Variants in MCMDC2 observed in about 807,000 individuals in gnomAD.
MCMDC2 encodes the protein minichromosome maintenance domain-containing protein 2.
In MCMDC2, 54 loss-of-function variants were observed where a neutral mutation model predicts 75.8. The ratio of observed to expected loss-of-function variants is 0.71; its 90% CI spans 0.57 to 0.89. MCMDC2 has a LOEUF of 0.89. Among genes scored for constraint, MCMDC2 ranks in the 40% least tolerant of loss-of-function variants. The probability of loss-of-function intolerance (pLI) is 0.00; values close to 1 mark genes in which losing one functional copy is unlikely to be tolerated. For synonymous variants in MCMDC2, 249 were observed against 274.6 expected (o/e 0.91, Z 0.92); for missense variants, 656 against 780.4 (o/e 0.84, Z 1.90).
downstream of MCMDC2, chr8:66,922,410 T>C (rs1813585235): frequency 2.1e-6 from 1 of 477,334 alleles, no homozygotes; most frequent in Non-Finnish European, 4.2e-6. Context: ...CAAAGAATAT[T>C]CACCCTTAAT....
intron 14 of MCMDC2, among the ~76,000 whole-genome samples, chr8:66,917,090 A>C (rs1813351206): frequency 6.6e-6 from 1 of 152,248 alleles, no homozygotes; most frequent in Non-Finnish European, 1.5e-5. Flanking sequence ...GTCTGGAAGC[A>C]GCAGAGGGGC....
intron 13 of MCMDC2, among the ~76,000 whole-genome samples, chr8:66,902,722 A>G (rs1265423131): frequency 7.3e-6 from 1 of 137,180 alleles, no homozygotes; most frequent in Non-Finnish European, 1.5e-5. Flanking sequence ...ATATATATAT[A>G]TATATATATA....
downstream of MCMDC2, chr8:66,925,316 C>G (rs1006466785): frequency 6.6e-6 from 1 of 152,474 alleles, no homozygotes; most frequent in Non-Finnish European, 1.5e-5. Context: ...GCCTTTTGGC[C>G]TACGCAGCAG....
At chr8:66,888,832 G>C (rs1811962908) in intron 9 of MCMDC2, among the ~76,000 whole-genome samples, 1 of 152,146 alleles carries the variant, frequency 6.6e-6, no homozygotes, top group Non-Finnish European at 1.5e-5. Context: ...CTGCCTATTA[G>C]AATCACCTGG....
intron 14 of MCMDC2, among the ~76,000 whole-genome samples, chr8:66,910,519 G>T (rs1813065310): frequency 6.6e-6 from 1 of 152,172 alleles, no homozygotes; most frequent in Non-Finnish European, 1.5e-5. Context: ...GGAACTTTAA[G>T]ATTTGACTGG....
intron 10 of MCMDC2, 71 bp downstream of exon 10, chr8:66,891,141 A>T: frequency 7.9e-7 from 1 of 1,271,078 alleles, no homozygotes; most frequent in East Asian, 2.6e-5. Context: ...GATACTTAAC[A>T]GTTAAGATAG....
intron 7 of MCMDC2, among the ~76,000 whole-genome samples, chr8:66,879,756 G>T (rs1325790117): frequency 6.6e-6 from 1 of 152,202 alleles, no homozygotes; most frequent in African/African-American, 2.4e-5. Flanking sequence ...CACTTAAAAT[G>T]ATATTAGGAC....
intron 14 of MCMDC2, among the ~76,000 whole-genome samples, chr8:66,913,962 TAAAAAAAAAAA>T (rs961586876): frequency 5.1e-5 from 4 of 78,600 alleles, no homozygotes; most frequent in Non-Finnish European, 9.8e-5. Context: ...AGACTCTGTC[TAAAAAAAAAAA>T]AAAAAAAAAA....
intron 13 of MCMDC2, among the ~76,000 whole-genome samples, chr8:66,904,745 G>A (rs1420611666): frequency 6.6e-6 from 1 of 152,132 alleles, no homozygotes; most frequent in Non-Finnish European, 1.5e-5. Context: ...GTCCAAAAGA[G>A]ACTGGAAAAT....
chr8:66,906,806 C>G (rs1001330045), intron 14 of MCMDC2, among the ~76,000 whole-genome samples: 2 of 150,214 alleles, frequency 1.3e-5, no homozygotes, highest in Admixed American at 1.3e-4. Context: ...GATGGAGTTT[C>G]ACTCTTGTTG....
At chr8:66,925,587 G>C (rs1216193889), downstream of MCMDC2, 1 of 152,256 alleles carries the variant, frequency 6.6e-6, no homozygotes, top group Non-Finnish European at 1.5e-5. Flanking sequence ...CGGTGGCCCC[G>C]CCTCTTCCGG....
At chr8:66,872,909 A>G (rs1021118975) in intron 1 of MCMDC2, among the ~76,000 whole-genome samples, 1 of 145,902 alleles carries the variant, frequency 6.9e-6, no homozygotes, top group African/African-American at 2.5e-5. Context: ...GTGAGCCAAG[A>G]TAGTGCCACT....
chr8:66,897,048 A>G, intron 12 of MCMDC2, 89 bp downstream of exon 12: 1 of 1,221,888 alleles, frequency 8.2e-7, no homozygotes, highest in Non-Finnish European at 1.1e-6. Flanking sequence ...GATTTTCTTT[A>G]TTTAGGATTC....
chr8:66,902,711 A>AATATAT lies in MCMDC2; in HGVS notation c.1769+1389_1769+1394dup, dbSNP rs1231949044. ...CTGTCTCAAAAAAAAAAAAAAAAAA[A>AATATAT]ATATATATATATATATATATATATA... On this transcript the variant is annotated intron_variant, in intron 13 of 14. Transcript: ENST00000422365. 8.0e-3 allele frequency among the ~76,000 whole-genome samples: 543 copies of AATATAT among 67,872 alleles called. 11 individuals are homozygous for AATATAT. Among genetic ancestry groups the AATATAT allele is most frequent in the East Asian group, 0.052 (105 of 2,006 alleles). The allele number at this position is 67,872 out of a possible 152,430, so 44.5% of individuals were successfully genotyped here.
chr8:66,882,672 A>G (rs1331771293), intron 8 of MCMDC2, among the ~76,000 whole-genome samples: 2 of 152,076 alleles, frequency 1.3e-5, no homozygotes, highest in African/African-American at 4.8e-5. Flanking sequence ...CCCAAGATGA[A>G]GTTTCTTTAG....
intron 14 of MCMDC2, among the ~76,000 whole-genome samples, chr8:66,906,263 G>C (rs1356646849): frequency 6.6e-6 from 1 of 152,126 alleles, no homozygotes; most frequent in African/African-American, 2.4e-5. Context: ...CCAAACCTTG[G>C]TTCCAGCCCT....
At chr8:66,879,039 T>G in intron 7 of MCMDC2, 120 bp downstream of exon 7, 1 of 672,080 alleles carries the variant, frequency 1.5e-6, no homozygotes, top group Non-Finnish European at 2.6e-6. Flanking sequence ...GAGGATCACT[T>G]GAGGCCAGGA....
chr8:66,914,283 CA>C (rs67943900), intron 14 of MCMDC2, among the ~76,000 whole-genome samples: 28,411 of 85,614 alleles, frequency 0.33, 1,966 homozygotes, highest in Middle Eastern at 0.39. Context: ...ACCCTGTATC[CA>C]AAAAAAAAAA....
intron 14 of MCMDC2, among the ~76,000 whole-genome samples, chr8:66,913,740 G>A (rs752554839): frequency 6.6e-6 from 1 of 151,302 alleles, no homozygotes; most frequent in African/African-American, 2.4e-5. Context: ...CCGGGGCAGC[G>A]GATCACTTGA....
Sources: gnomAD v4.1 joint callset for allele counts (sites outside exome capture counted in the v4.1 genomes callset) on GRCh38, gnomAD v4.1.1 for gene constraint, MANE v1.5 for transcripts, NCBI Gene and HGNC (gene_info 2026-07-23, HGNC 2026-07-21) for gene names.